The following ALPL variants were observed in gnomAD, a reference collection of about 807,000 sequenced individuals.
ALPL encodes alkaline phosphatase, biomineralization associated, also known as alkaline phosphatase, tissue-nonspecific isozyme.
In ALPL, 42 loss-of-function variants were observed where a neutral mutation model predicts 51.3. That is an observed-to-expected ratio of 0.82 (90% CI 0.64 to 1.06). The LOEUF (loss-of-function observed/expected upper bound fraction) is 1.06, where lower values mean the gene tolerates loss of function less well. ALPL is among the 50% of genes least tolerant of loss of function. ALPL has a pLI of 0.00. For missense variants in ALPL, 589 were observed against 709.4 expected, an observed-to-expected ratio of 0.83 and a Z score of 1.93; for synonymous variants, 279 against 296.4, an observed-to-expected ratio of 0.94 and a Z score of 0.60.
rs1300681499 is a variant in ALPL at position 21,545,293 on chromosome 1, G to GTTTTT, written c.-104-8684_-104-8680dup. Among the ~76,000 whole-genome samples the GTTTTT allele has an allele frequency of 2.0e-5, 3 of 151,710 alleles. No individual in the cohort carries two copies. In the East Asian group the frequency reaches 5.8e-4, roughly 29 times the overall value. On this transcript the variant is annotated intron_variant, in intron 1 of 11. Transcript: ENST00000374840. ...TGGGGGTTTTTTTGTTTTTGTTTTT[G>GTTTTT]TTTTTGTTTTTTTTTAAGACAGAGT...
chr1:21,511,106 C>G (rs1232971394), intron 1 of ALPL, among the ~76,000 whole-genome samples: 1 of 152,248 alleles, frequency 6.6e-6, no homozygotes. Flanking sequence ...GTGCCAAGCT[C>G]TGTTCTAGGT....
At chr1:21,541,093 G>A (rs980537498) in intron 1 of ALPL, among the ~76,000 whole-genome samples, 4 of 152,170 alleles carry the variant, frequency 2.6e-5, no homozygotes, top group Admixed American at 6.5e-5. Context: ...ACAGGTCTCT[G>A]GGAAATCCCA....
At chr1:21,537,469 A>G (rs947723799) in intron 1 of ALPL, among the ~76,000 whole-genome samples, 1 of 152,208 alleles carries the variant, frequency 6.6e-6, no homozygotes, top group Non-Finnish European at 1.5e-5. Context: ...ATCACGGGAA[A>G]GTACACAGGG....
intron 1 of ALPL, among the ~76,000 whole-genome samples, chr1:21,529,069 C>CA (rs58835667): frequency 9.5e-4 from 113 of 119,330 alleles, no homozygotes; most frequent in South Asian, 4.1e-3. Flanking sequence ...GACTCCATCT[C>CA]AAAAAAAAAA....
rs187451366 is a variant in ALPL, at chr1:21,555,159, G to A, written c.61+1017G>A. Among the ~76,000 whole-genome samples, 34 of 151,656 alleles carry A rather than the reference G, an allele frequency of 2.2e-4. 1 individual carries two copies. The East Asian group carries it at 6.6e-3, about 30-fold the overall frequency. On this transcript the variant is annotated intron_variant, in intron 2 of 11. Transcript: ENST00000374840. ...GGGGGTTCTCTGGCGGGCAGGAGTG[G>A]GGGTCACAAGGTGCTCAGTGGGGGA...
At chr1:21,567,053 C>G (rs942644953) in intron 6 of ALPL, among the ~76,000 whole-genome samples, 9 of 152,194 alleles carry the variant, frequency 5.9e-5, no homozygotes, top group Non-Finnish European at 8.8e-5. Flanking sequence ...GGCACCTTTC[C>G]CACCTCTCCA....
Position 21,577,868 on chromosome 1 carries a change from T to C in ALPL, c.*220T>C. ...CCTCCAGCCTTTGCTCCCTCCCCGC[T>C]GCCCTTTGGCCAACAGGGTAGATTT... On this transcript the variant is annotated 3_prime_UTR_variant, in exon 12 of 12. Transcript: ENST00000374840. 1.6e-6 allele frequency: 1 copy of C among 632,040 alleles called. No homozygotes were observed. Among genetic ancestry groups the C allele is most frequent in the East Asian group, 2.8e-5 (1 of 36,342 alleles). The allele number at this position is 632,040 out of a possible 1,614,324, so 39.2% of individuals were successfully genotyped here.
intron 1 of ALPL, among the ~76,000 whole-genome samples, chr1:21,542,007 T>C (rs1191360521): frequency 1.3e-5 from 2 of 152,144 alleles, no homozygotes; most frequent in East Asian, 3.9e-4. Context: ...TGCAGCCCAC[T>C]CTGAAACCAC....
chr1:21,512,306 G>A (rs1206066586), intron 1 of ALPL, among the ~76,000 whole-genome samples: 1 of 152,146 alleles, frequency 6.6e-6, no homozygotes, highest in Non-Finnish European at 1.5e-5. Flanking sequence ...ATGCGACCCT[G>A]GACAAGTCAC....
chr1:21,509,359 G>C (rs1309082891), upstream of ALPL: 1 of 148,502 alleles, frequency 6.7e-6, no homozygotes, highest in Non-Finnish European at 1.5e-5. The surrounding 1 kb of genome is among the most constrained non-coding windows in gnomAD (Gnocchi z 6.0). Flanking sequence ...GGAGGGGGCG[G>C]GCTGCCCGGG....
chr1:21,538,221 T>C (rs1475990638), intron 1 of ALPL, among the ~76,000 whole-genome samples: 1 of 152,150 alleles, frequency 6.6e-6, no homozygotes, highest in Admixed American at 6.5e-5. Context: ...CCAAGGTCAA[T>C]GGGGGCCTGC....
intron 1 of ALPL, among the ~76,000 whole-genome samples, chr1:21,537,475 CAG>C (rs1644124465): frequency 6.6e-6 from 1 of 152,190 alleles, no homozygotes; most frequent in Admixed American, 6.5e-5. Context: ...GGAAAGTACA[CAG>C]GGAGCTGAGA....
At chr1:21,562,989 C>G in intron 4 of ALPL, 121 bp from the exon 5 acceptor site, 1 of 1,369,536 alleles carries the variant, frequency 7.3e-7, no homozygotes, top group Non-Finnish European at 1.0e-6. Flanking sequence ...TGGGCCTGGT[C>G]AAGGCTATGG....
intron 1 of ALPL, among the ~76,000 whole-genome samples, chr1:21,540,793 A>C (rs1214464208): frequency 3.3e-5 from 5 of 150,814 alleles, no homozygotes; most frequent in African/African-American, 1.2e-4. Context: ...TGCTCGACCC[A>C]CCCCCACGGA....
chr1:21,565,503 C>T (rs1209683709), intron 6 of ALPL, among the ~76,000 whole-genome samples: 1 of 151,904 alleles, frequency 6.6e-6, no homozygotes, highest in Non-Finnish European at 1.5e-5. Context: ...GGTATAATTA[C>T]ATGGGGACTG....
intron 1 of ALPL, among the ~76,000 whole-genome samples, chr1:21,544,542 A>G (rs373258437): frequency 1.3e-5 from 2 of 152,328 alleles, no homozygotes; most frequent in East Asian, 1.9e-4. Context: ...CAGGAGTTCA[A>G]GAATAGCCTG....
chr1:21,523,309 A>C (rs1643902525), intron 1 of ALPL, among the ~76,000 whole-genome samples: 1 of 152,162 alleles, frequency 6.6e-6, no homozygotes, highest in African/African-American at 2.4e-5. Context: ...AAAAACAAAA[A>C]ACAAAAACAA....
chr1:21,535,832 C>A (rs1397589147), intron 1 of ALPL, among the ~76,000 whole-genome samples: 2 of 152,222 alleles, frequency 1.3e-5, no homozygotes, highest in East Asian at 3.8e-4. Flanking sequence ...AGCAGTAGCA[C>A]TGGGCCCAGG....
intron 1 of ALPL, among the ~76,000 whole-genome samples, chr1:21,534,599 A>T (rs778079106): frequency 1.3e-4 from 19 of 151,890 alleles, no homozygotes; most frequent in Non-Finnish European, 2.5e-4. Context: ...CTGGGGCTGA[A>T]CTCTAGCCCC....
Sources: gnomAD v4.1 joint callset for allele counts (sites outside exome capture counted in the v4.1 genomes callset) on GRCh38, gnomAD v4.1.1 for gene constraint, Gnocchi (gnomAD v3.1) non-coding constraint, MANE v1.5 for transcripts, NCBI Gene and HGNC (gene_info 2026-07-23, HGNC 2026-07-21) for gene names.